The following MYOM2 variants were observed in gnomAD, a reference collection of about 807,000 sequenced individuals.
MYOM2 encodes the protein myomesin-2.
A neutral mutation model predicts 187.6 loss-of-function variants in MYOM2; 254 were observed. That is an observed-to-expected ratio of 1.35 (90% CI 1.22 to 1.50). The LOEUF (loss-of-function observed/expected upper bound fraction) is 1.50. Among genes scored for constraint, MYOM2 ranks in the 40% most tolerant of loss-of-function variants. The probability of loss-of-function intolerance (pLI) is 0.00; values close to 1 mark genes in which losing one functional copy is unlikely to be tolerated. For synonymous variants in MYOM2, 981 were observed against 753.8 expected, an observed-to-expected ratio of 1.30 and a Z score of -4.94; for missense variants, 2,796 against 1,924.0, an observed-to-expected ratio of 1.45 and a Z score of -8.48.
intron 14 of MYOM2, among the ~76,000 whole-genome samples, chr8:2,089,017 C>G (rs1340310176): frequency 6.6e-6 from 1 of 152,178 alleles, no homozygotes; most frequent in Non-Finnish European, 1.5e-5. Context: ...CCACAAACGC[C>G]CGGGGCAGAT....
chr8:2,111,718 AGTT>A (rs1158592911), intron 25 of MYOM2, among the ~76,000 whole-genome samples: 2 of 152,144 alleles, frequency 1.3e-5, no homozygotes, highest in Non-Finnish European at 2.9e-5. Context: ...ACGGGGACAA[AGTT>A]GTTGTGCTTC....
intron 17 of MYOM2, among the ~76,000 whole-genome samples, chr8:2,094,889 G>C (rs984525856): frequency 6.6e-6 from 1 of 152,146 alleles, no homozygotes; most frequent in African/African-American, 2.4e-5. Flanking sequence ...CCCTAGAACA[G>C]TTGCTGTATC....
chr8:2,101,488 C>G (rs1186003820), intron 20 of MYOM2, among the ~76,000 whole-genome samples: 1 of 152,232 alleles, frequency 6.6e-6, no homozygotes, highest in African/African-American at 2.4e-5. Context: ...CGAGGTGAAC[C>G]TGTTCAGATG....
At chr8:2,127,451 G>A (rs1192423062) in intron 31 of MYOM2, among the ~76,000 whole-genome samples, 1 of 152,210 alleles carries the variant, frequency 6.6e-6, no homozygotes, top group Non-Finnish European at 1.5e-5. Context: ...TCCACCTCCA[G>A]AAGCTCTGGG....
intron 3 of MYOM2, among the ~76,000 whole-genome samples, chr8:2,054,678 A>G (rs1818597851): frequency 6.6e-6 from 1 of 152,210 alleles, no homozygotes; most frequent in African/African-American, 2.4e-5. Context: ...GAGCCCATAG[A>G]AAAGTAAACG....
intron 19 of MYOM2, among the ~76,000 whole-genome samples, chr8:2,099,514 A>G (rs1433076130): frequency 6.6e-6 from 1 of 151,962 alleles, no homozygotes; most frequent in African/African-American, 2.4e-5. Context: ...CTCTCAGGCC[A>G]TCTGGGGATC....
chr8:2,120,692 A>ATATATT (rs1707385714), intron 28 of MYOM2, among the ~76,000 whole-genome samples: 16 of 101,544 alleles, frequency 1.6e-4, no homozygotes, highest in Non-Finnish European at 2.4e-4. Flanking sequence ...ATATATAAAT[A>ATATATT]TATAATATAT....
intron 36 of MYOM2, among the ~76,000 whole-genome samples, chr8:2,144,087 T>C (rs546899972): frequency 1.4e-3 from 220 of 152,366 alleles, no homozygotes; most frequent in African/African-American, 5.0e-3. Context: ...CAAAAATTTA[T>C]AGACGTCTTC....
At chr8:2,101,537 G>A (rs1169642913) in intron 20 of MYOM2, among the ~76,000 whole-genome samples, 4 of 152,184 alleles carry the variant, frequency 2.6e-5, no homozygotes, top group South Asian at 2.1e-4. Context: ...CGCCATGCGC[G>A]TTGTGGGGCC....
rs1197102018 is a variant in MYOM2 at position 2,092,435 on chromosome 8, G to C, written c.1918G>C (p.Asp640His). Reference protein sequence around the residue: ...VQWDRPKHEEDLLGYYVDCCV... With the variant: ...VQWDRPKHEEHLLGYYVDCCV... ...GTGGGACCGACCTAAGCATGAGGAG[G>C]ACCTGCTGGGCTACTACGTGGACTG... The change falls in exon 16 of 37, where the codon GAC becomes CAC. Residue 640 changes from aspartate (D) to histidine (H), a missense_variant. Transcript: ENST00000262113. 1 of 1,614,056 alleles carries C rather than the reference G, an allele frequency of 6.2e-7. No individual in the cohort carries two copies. The highest frequency in any genetic ancestry group is 1.3e-5 in the African/African-American group (1 of 74,926).
intron 1 of MYOM2, among the ~76,000 whole-genome samples, chr8:2,045,855 T>C (rs1188334092): frequency 2.0e-5 from 3 of 152,200 alleles, no homozygotes; most frequent in East Asian, 1.9e-4. Context: ...GGCTGGGTGG[T>C]TGCACGTGGA....
intron 13 of MYOM2, among the ~76,000 whole-genome samples, chr8:2,084,273 A>G (rs1321087363): frequency 6.6e-6 from 1 of 152,186 alleles, no homozygotes; most frequent in Admixed American, 6.5e-5. Context: ...CCTTACCAGA[A>G]TGAGCCCAGC....
Position 2,078,804 on chromosome 8 carries a change from A to T in MYOM2, c.1333A>T (p.Thr445Ser), listed in dbSNP as rs1377235255. Residue 445 changes from threonine (T) to serine (S), a missense_variant, in exon 12 of 37, where the codon ACA becomes TCA. Physicochemically the swap from Thr to Ser is moderately conservative, Grantham distance 58. Coordinates refer to ENST00000262113, the MANE Select transcript of MYOM2 (RefSeq NM_003970.4). ...APVKICKYPVTGLFEGRSYIF... is the reference protein window; with the variant it reads ...APVKICKYPVSGLFEGRSYIF... Reference sequence around the variant, plus strand: ...GGTGAAAATCTGCAAATACCCGGTCACAGGGCTTTTTGAAGGAAGGTCTTA... The same window carrying T: ...GGTGAAAATCTGCAAATACCCGGTCTCAGGGCTTTTTGAAGGAAGGTCTTA... The T allele has an allele frequency of 4.3e-6, 7 of 1,614,082 alleles. No homozygotes were observed. The highest frequency in any genetic ancestry group is 5.9e-6 in the Non-Finnish European group (7 of 1,180,046).
intron 25 of MYOM2, among the ~76,000 whole-genome samples, chr8:2,114,419 C>A (rs1797169070): frequency 6.6e-6 from 1 of 152,204 alleles, no homozygotes. Flanking sequence ...GGAGGGGGAA[C>A]TGTGTGGGCA....
At chr8:2,133,538 G>C (rs1359332908) in intron 32 of MYOM2, among the ~76,000 whole-genome samples, 1 of 152,212 alleles carries the variant, frequency 6.6e-6, no homozygotes, top group East Asian at 1.9e-4. Flanking sequence ...TTTGCTCACT[G>C]CAACCTCTGC....
chr8:2,135,214 A>G (rs766991918), intron 32 of MYOM2, among the ~76,000 whole-genome samples: 1 of 152,234 alleles, frequency 6.6e-6, no homozygotes, highest in Non-Finnish European at 1.5e-5. Flanking sequence ...TCTGTGAGAA[A>G]CAAATGTGCA....
intron 6 of MYOM2, among the ~76,000 whole-genome samples, chr8:2,066,869 A>T (rs1346474019): frequency 6.6e-6 from 1 of 152,244 alleles, no homozygotes; most frequent in Non-Finnish European, 1.5e-5. Context: ...ATAGGACAGC[A>T]GCGTAGCTTC....
chr8:2,092,109 C>T (rs1481767326), intron 15 of MYOM2, among the ~76,000 whole-genome samples: 1 of 152,036 alleles, frequency 6.6e-6, no homozygotes, highest in Non-Finnish European at 1.5e-5. Flanking sequence ...TGGATGTCAT[C>T]CTGTGTCTCT....
chr8:2,129,580 A>G lies in MYOM2; in HGVS notation c.3800+348A>G, dbSNP rs1797780054. ...ATAATTTGTAGAAACCAGACTCCAA[A>G]TTTCCAGTCAGTTGGTTTCCCGCTA... On this transcript the variant is annotated intron_variant, in intron 32 of 36. Coordinates refer to ENST00000262113, the MANE Select transcript of MYOM2 (RefSeq NM_003970.4). Among the ~76,000 whole-genome samples the G allele has an allele frequency of 2.0e-5, 3 of 152,176 alleles. No homozygotes were observed. In the South Asian group the frequency reaches 6.2e-4, roughly 32 times the overall value.
Sources: allele counts gnomAD v4.1 joint callset (sites outside exome capture counted in the v4.1 genomes callset), GRCh38; gene constraint gnomAD v4.1.1; transcripts MANE v1.5; gene names NCBI Gene and HGNC (gene_info 2026-07-23, HGNC 2026-07-21).